Variants in ZEB1 observed in about 807,000 individuals in gnomAD.
The protein encoded by ZEB1 is zinc finger E-box-binding homeobox 1.
Under a neutral mutation model 84.9 loss-of-function variants are expected in ZEB1, and 21 were observed. The observed-to-expected ratio is 0.25, with a 90% confidence interval of 0.18 to 0.36. The LOEUF is 0.36. Ranked by LOEUF, ZEB1 falls within the 10% of genes least tolerant of loss-of-function variation. The probability of loss-of-function intolerance (pLI) is 1.00; values close to 1 mark genes in which losing one functional copy is unlikely to be tolerated. For missense variants in ZEB1, 1,104 were observed against 1,330.2 expected (o/e 0.83, Z 2.65); for synonymous variants, 420 against 471.1 (o/e 0.89, Z 1.41).
chr10:31,376,400 C>A (rs999311782), intron 1 of ZEB1, among the ~76,000 whole-genome samples: 3 of 151,648 alleles, frequency 2.0e-5, no homozygotes, highest in Non-Finnish European at 4.4e-5. Flanking sequence ...TGAAAAAGTT[C>A]TTATTATTTG....
At chr10:31,348,120 A>G (rs189721150) in intron 1 of ZEB1, among the ~76,000 whole-genome samples, 9 of 152,286 alleles carry the variant, frequency 5.9e-5, no homozygotes, top group Non-Finnish European at 1.2e-4. Flanking sequence ...TCTGTAAAAT[A>G]TGAGTATAAT....
Position 31,496,455 on chromosome 10 carries a change from G to T in ZEB1, c.322+617G>T, listed in dbSNP as rs191457873. Among the ~76,000 whole-genome samples the T allele has an allele frequency of 2.2e-3, 330 of 152,154 alleles. 1 individual carries two copies. The highest frequency in any genetic ancestry group is 7.7e-3 in the African/African-American group (319 of 41,544). The stretch of plus-strand genomic sequence containing the variant: ...CCCTGAAACTTAAGGCTATTCCTCT[G>T]TAATGGATTCAGATCAGATTTAAGA... On this transcript the variant is annotated intron_variant, in intron 3 of 8. Coordinates refer to ENST00000424869, the MANE Select transcript of ZEB1 (RefSeq NM_001174096.2).
intron 6 of ZEB1, among the ~76,000 whole-genome samples, chr10:31,515,679 C>G (rs1038397980): frequency 3.3e-5 from 5 of 152,012 alleles, no homozygotes; most frequent in Non-Finnish European, 7.4e-5. Flanking sequence ...AAGGCTAACC[C>G]TCAATGTTAA....
chr10:31,431,162 G>A (rs1564831591), intron 1 of ZEB1, among the ~76,000 whole-genome samples: 2 of 152,152 alleles, frequency 1.3e-5, no homozygotes, highest in Non-Finnish European at 2.9e-5. Flanking sequence ...GAGCTTGGGT[G>A]TATATATAAG....
At chr10:31,505,300 T>G (rs1166229135) in intron 4 of ZEB1, among the ~76,000 whole-genome samples, 1 of 152,112 alleles carries the variant, frequency 6.6e-6, no homozygotes, top group Non-Finnish European at 1.5e-5. Flanking sequence ...GTGATGGACT[T>G]ATAGAATGAA....
At chr10:31,451,702 A>G (rs1057205673) in intron 1 of ZEB1, among the ~76,000 whole-genome samples, 1 of 152,300 alleles carries the variant, frequency 6.6e-6, no homozygotes, top group Admixed American at 6.5e-5. Context: ...TGTTTCATCT[A>G]TCTGTGAGTT....
At chr10:31,361,333 C>T in intron 1 of ZEB1, 13 of 947,040 alleles carry the variant, frequency 1.4e-5, no homozygotes, top group Middle Eastern at 3.3e-4. Context: ...GCTGGGACTA[C>T]AGGCACAAGC....
rs1490640946 is a variant in ZEB1 at position 31,460,810 on chromosome 10, G to T, written c.59-227G>T. 7.2e-5 allele frequency among the ~76,000 whole-genome samples: 11 copies of T among 152,102 alleles called. No homozygotes were observed. In the South Asian group the frequency reaches 1.5e-3, roughly 20 times the overall value. Reference sequence around the variant, plus strand: ...TAATGGGTTAGTATTTATAAAGCAGGTCTATATATAGTAAGTATTCAATAA... The same window carrying T: ...TAATGGGTTAGTATTTATAAAGCAGTTCTATATATAGTAAGTATTCAATAA... On this transcript the variant is annotated intron_variant, in intron 1 of 8. Transcript: ENST00000424869.
At position 31,527,141 on chromosome 10, in the gene ZEB1, A is replaced by C. The variant is rs2073643141; in HGVS notation, c.3255A>C (p.Gly1085=). ...EEEVEEAENE[G]EEAKTEGLMK... is the part of the protein sequence containing the mutation. The stretch of plus-strand genomic sequence containing the variant: ...AGGTAGAAGAGGCAGAGAATGAGGG[A>C]GAAGAAGCAAAAACTGAAGGTCTGA... The change falls in exon 9 of 9, where the codon GGA becomes GGC. Residue 1085 remains glycine (G), a synonymous_variant. Transcript: ENST00000424869. 6.2e-7 allele frequency: 1 copy of C among 1,608,918 alleles called. No individual in the cohort carries two copies. The highest frequency in any genetic ancestry group is 1.3e-5 in the African/African-American group (1 of 74,540).
intron 1 of ZEB1, 52 bp downstream of exon 1, chr10:31,319,344 C>T: frequency 3.2e-6 from 5 of 1,571,004 alleles, no homozygotes; most frequent in Non-Finnish European, 4.3e-6. Context: ...AGCTGGGCAG[C>T]CGGGGCGCCC....
intron 1 of ZEB1, among the ~76,000 whole-genome samples, chr10:31,386,768 G>T (rs937159049): frequency 1.3e-5 from 2 of 152,050 alleles, no homozygotes; most frequent in African/African-American, 4.8e-5. Context: ...ATTTCCGCTG[G>T]CTCTAACCCA....
In ZEB1 at chr10:31,514,614, G is replaced by T; in HGVS notation, c.699G>T (p.Thr233=). 1 of 1,612,316 alleles carries T rather than the reference G, an allele frequency of 6.2e-7. No individual in the cohort carries two copies. Among genetic ancestry groups the T allele is most frequent in the South Asian group, 1.1e-5 (1 of 91,022 alleles). The change falls in exon 6 of 9, where the codon ACG becomes ACT. Residue 233 remains threonine (T), a synonymous_variant. Coordinates refer to ENST00000424869, the MANE Select transcript of ZEB1 (RefSeq NM_001174096.2). Reference sequence around the variant, plus strand: ...TTCTTTTCTTACAGAGACATGTGACGCAGTCTGGGTGTAATCGTAAATTCA... The same window carrying T: ...TTCTTTTCTTACAGAGACATGTGACTCAGTCTGGGTGTAATCGTAAATTCA... The part of the protein sequence containing the change: ...HKSGRDQRHV[T]QSGCNRKFKC...
intron 1 of ZEB1, among the ~76,000 whole-genome samples, chr10:31,446,930 T>C (rs1305177970): frequency 6.6e-6 from 1 of 152,160 alleles, no homozygotes; most frequent in Non-Finnish European, 1.5e-5. Flanking sequence ...CTATTAGGTC[T>C]GCTTGGTTCA....
chr10:31,502,973 T>C (rs2068377304), intron 4 of ZEB1, among the ~76,000 whole-genome samples: 2 of 152,118 alleles, frequency 1.3e-5, no homozygotes, highest in Non-Finnish European at 2.9e-5. Flanking sequence ...GAAAATGCAA[T>C]AAAAATGTGT....
At chr10:31,377,144 A>G (rs1426757701) in intron 1 of ZEB1, among the ~76,000 whole-genome samples, 1 of 147,846 alleles carries the variant, frequency 6.8e-6, no homozygotes, top group East Asian at 2.0e-4. Flanking sequence ...ATGCTGAATG[A>G]GAGAAAATTA....
chr10:31,478,458 A>C (rs994579560), intron 2 of ZEB1, among the ~76,000 whole-genome samples: 1 of 151,904 alleles, frequency 6.6e-6, no homozygotes, highest in Non-Finnish European at 1.5e-5. Context: ...TCCTGAAAAA[A>C]CTAAAAATGG....
intron 5 of ZEB1, 36 bp from the exon 6 acceptor site, chr10:31,514,567 T>G (rs1297910876): frequency 1.3e-6 from 2 of 1,574,738 alleles, no homozygotes; most frequent in East Asian, 4.5e-5. Context: ...AAAGATCTTT[T>G]GCTTTTCAAA....
At chr10:31,504,470 G>A (rs1221283600) in intron 4 of ZEB1, among the ~76,000 whole-genome samples, 1 of 151,906 alleles carries the variant, frequency 6.6e-6, no homozygotes, top group Admixed American at 6.6e-5. Context: ...TTTTAGGATT[G>A]TTTTTTCTGC....
chr10:31,381,273 TTAAA>T (rs912316794), intron 1 of ZEB1, among the ~76,000 whole-genome samples: 1 of 152,176 alleles, frequency 6.6e-6, no homozygotes, highest in African/African-American at 2.4e-5. Flanking sequence ...AAATGATTTA[TTAAA>T]TAATAAAAAT....
Sources: gnomAD v4.1 joint callset for allele counts (sites outside exome capture counted in the v4.1 genomes callset) on GRCh38, gnomAD v4.1.1 for gene constraint, MANE v1.5 for transcripts, NCBI Gene and HGNC (gene_info 2026-07-23, HGNC 2026-07-21) for gene names.